Variants in CATSPERT observed in about 807,000 individuals in gnomAD.
CATSPERT encodes cation channel sperm-associated targeting subunit tau.
At chr2:201,503,299 C>T in the CATSPERT span, among the ~76,000 whole-genome samples, 28 of 152,156 alleles carry the variant, frequency 1.8e-4, no homozygotes, top group African/African-American at 6.5e-4. Flanking sequence ...CACTATGTTG[C>T]TCAGTCTGGA....
At chr2:201,615,535 T>C in the CATSPERT span, among the ~76,000 whole-genome samples, 5 of 152,050 alleles carry the variant, frequency 3.3e-5, no homozygotes, top group South Asian at 1.0e-3. Flanking sequence ...CATACCAGAA[T>C]CTCTGGGACA....
At chr2:201,574,085 G>A in the CATSPERT span, 1 of 585,616 alleles carries the variant, frequency 1.7e-6, no homozygotes, top group Admixed American at 4.0e-5. Flanking sequence ...AAGTCGGGAG[G>A]TAAAGAAGCA....
At chr2:201,582,020 T>C in the CATSPERT span, 6 of 1,528,352 alleles carry the variant, frequency 3.9e-6, no homozygotes, top group East Asian at 1.5e-4. Context: ...GCCCATCAAG[T>C]ATAATAAATC....
At chr2:201,578,657 T>G in the CATSPERT span, among the ~76,000 whole-genome samples, 1 of 152,154 alleles carries the variant, frequency 6.6e-6, no homozygotes, top group Admixed American at 6.5e-5. Flanking sequence ...TGTGGAATGA[T>G]GGGTGATTTC....
chr2:201,545,235 C>T, the CATSPERT span, among the ~76,000 whole-genome samples: 6 of 151,750 alleles, frequency 4.0e-5, no homozygotes, highest in Non-Finnish European at 8.8e-5. Flanking sequence ...GACAGGGTTC[C>T]ACCATCTTGG....
the CATSPERT span, among the ~76,000 whole-genome samples, chr2:201,607,461 G>A: frequency 7.2e-5 from 11 of 152,162 alleles, no homozygotes; most frequent in African/African-American, 2.7e-4. Context: ...AGACCAGCCT[G>A]GGAAACCTAG....
the CATSPERT span, among the ~76,000 whole-genome samples, chr2:201,581,639 G>A: frequency 7.9e-6 from 1 of 127,274 alleles, no homozygotes; most frequent in South Asian, 2.6e-4. Context: ...ACGGAGTATT[G>A]CTCTTGTTGC....
At chr2:201,536,005 T>C in the CATSPERT span, 1 of 1,612,478 alleles carries the variant, frequency 6.2e-7, no homozygotes, top group East Asian at 2.2e-5. Flanking sequence ...TTTATACAGA[T>C]ACTCCTCAAA....
the CATSPERT span, among the ~76,000 whole-genome samples, chr2:201,582,876 C>T: frequency 6.6e-6 from 1 of 152,086 alleles, no homozygotes; most frequent in Non-Finnish European, 1.5e-5. Context: ...GAAATCAGAG[C>T]CGATATCAGC....
the CATSPERT span, among the ~76,000 whole-genome samples, chr2:201,617,439 CAT>C: frequency 6.6e-6 from 1 of 152,132 alleles, no homozygotes; most frequent in Non-Finnish European, 1.5e-5. Context: ...ACAAACCTGA[CAT>C]AAACAAGAAA....
chr2:201,545,482 G>A, the CATSPERT span: 1 of 1,106,230 alleles, frequency 9.0e-7, no homozygotes, highest in Non-Finnish European at 1.3e-6. Context: ...TTGTCTTTTT[G>A]TGATATAATC....
chr2:201,607,564 C>A, the CATSPERT span, among the ~76,000 whole-genome samples: 1 of 151,984 alleles, frequency 6.6e-6, no homozygotes, highest in Non-Finnish European at 1.5e-5. Context: ...ATTGCTTGAG[C>A]CCAGGAGTTC....
At chr2:201,499,115 C>T in the CATSPERT span, among the ~76,000 whole-genome samples, 21 of 152,232 alleles carry the variant, frequency 1.4e-4, no homozygotes, top group Non-Finnish European at 2.4e-4. Context: ...AATCAACATA[C>T]CCCTCCATTT....
the CATSPERT span, among the ~76,000 whole-genome samples, chr2:201,613,585 C>A: frequency 6.6e-6 from 1 of 152,130 alleles, no homozygotes; most frequent in Admixed American, 6.5e-5. Context: ...GTAGATAAAA[C>A]CACAAAGATG....
the CATSPERT span, among the ~76,000 whole-genome samples, chr2:201,565,546 A>G: frequency 6.6e-6 from 1 of 152,080 alleles, no homozygotes; most frequent in African/African-American, 2.4e-5. Context: ...CAAACAAGAT[A>G]CCTAAATTGA....
At chr2:201,571,855 C>T in the CATSPERT span, 1 of 1,245,682 alleles carries the variant, frequency 8.0e-7, no homozygotes, top group African/African-American at 1.5e-5. Context: ...CTTAAAATAA[C>T]TCCACCAAAA....
At chr2:201,554,311 TA>T in the CATSPERT span, 1 of 152,170 alleles carries the variant, frequency 6.6e-6, no homozygotes, top group African/African-American at 2.4e-5. Context: ...GAGGCTGCCA[TA>T]GGCCTGGCAT....
the CATSPERT span, among the ~76,000 whole-genome samples, chr2:201,605,188 G>T: frequency 6.6e-6 from 1 of 152,046 alleles, no homozygotes; most frequent in Non-Finnish European, 1.5e-5. Context: ...CTTAAGAGAT[G>T]CTGGAAAAGA....
the CATSPERT span, among the ~76,000 whole-genome samples, chr2:201,571,520 T>C: frequency 6.6e-6 from 1 of 152,294 alleles, no homozygotes; most frequent in East Asian, 1.9e-4. Flanking sequence ...TTTGTAGCAA[T>C]TGGAGTGGTG....
Sources: gnomAD v4.1 joint callset for allele counts (sites outside exome capture counted in the v4.1 genomes callset) on GRCh38, gnomAD v4.1.1 for gene constraint, MANE v1.5 for transcripts, NCBI Gene and HGNC (gene_info 2026-07-23, HGNC 2026-07-21) for gene names.